Variants in GALNTL6 observed in about 807,000 individuals in gnomAD.
GALNTL6 encodes the protein polypeptide N-acetylgalactosaminyltransferase like 6, also known as polypeptide N-acetylgalactosaminyltransferase-like 6.
In GALNTL6, 46 loss-of-function variants were observed where a neutral mutation model predicts 73.7. The ratio of observed to expected loss-of-function variants is 0.62; its 90% CI spans 0.49 to 0.80. GALNTL6 has a LOEUF of 0.80. Ranked by LOEUF, GALNTL6 falls within the 30% of genes least tolerant of loss-of-function variation. GALNTL6 has a pLI of 0.00. For synonymous variants in GALNTL6, 259 were observed against 263.7 expected (o/e 0.98, Z 0.17); for missense variants, 604 against 755.0 (o/e 0.80, Z 2.34).
chr4:172,894,035 G>A (rs1746190821), intron 8 of GALNTL6, among the ~76,000 whole-genome samples: 1 of 152,098 alleles, frequency 6.6e-6, no homozygotes, highest in Admixed American at 6.6e-5. Context: ...CAAATATGGT[G>A]TATATGTCAC....
intron 10 of GALNTL6, among the ~76,000 whole-genome samples, chr4:173,001,186 T>C (rs1410929442): frequency 6.6e-6 from 1 of 152,144 alleles, no homozygotes; most frequent in African/African-American, 2.4e-5. Flanking sequence ...TTCACAGCCC[T>C]CAGGAGGAAC....
chr4:172,316,652 A>T (rs1490541130), intron 4 of GALNTL6, among the ~76,000 whole-genome samples: 1 of 152,236 alleles, frequency 6.6e-6, no homozygotes, highest in African/African-American at 2.4e-5. Context: ...AGACTAATGT[A>T]GTCCTGTTTC....
intron 5 of GALNTL6, among the ~76,000 whole-genome samples, chr4:172,579,393 T>C (rs1737081327): frequency 6.6e-6 from 1 of 152,206 alleles, no homozygotes; most frequent in Admixed American, 6.5e-5. Flanking sequence ...GAAAACTATA[T>C]ATAAGTCTTT....
At chr4:172,212,013 G>T (rs961259814) in intron 2 of GALNTL6, among the ~76,000 whole-genome samples, 1 of 152,236 alleles carries the variant, frequency 6.6e-6, no homozygotes, top group Non-Finnish European at 1.5e-5. Flanking sequence ...TTTGTTTTGT[G>T]TTGTTTGTCT....
In GALNTL6 at chr4:172,348,687, G is replaced by A. The variant is rs1326917964; in HGVS notation, c.551G>A (p.Arg184Lys). 1 of 1,602,488 alleles carries A rather than the reference G, an allele frequency of 6.2e-7. No individual in the cohort carries two copies. The highest frequency in any genetic ancestry group is 1.7e-5 in the Admixed American group (1 of 59,256). ...EIILVDDFSEREHLKDKLEEY... is the reference protein window; with the variant it reads ...EIILVDDFSEKEHLKDKLEEY... ...ATTCTAGTAGATGACTTCAGTGAGA[G>A]AGGTAAGATACAGTTGATAACATTT... is the stretch of plus-strand genomic sequence containing the variant. The change falls in exon 5 of 13, where the codon AGA (arginine) becomes AAA (lysine). Residue 184 changes from arginine to lysine, a missense_variant and splice_region_variant. Transcript: ENST00000506823.
chr4:172,728,852 G>C (rs189075766), intron 5 of GALNTL6, among the ~76,000 whole-genome samples: 350 of 152,226 alleles, frequency 2.3e-3, no homozygotes, highest in African/African-American at 8.2e-3. Flanking sequence ...GCGTATGAAG[G>C]TTGCCCTTTC....
At chr4:172,527,038 T>G (rs1734983428) in intron 5 of GALNTL6, among the ~76,000 whole-genome samples, 1 of 152,186 alleles carries the variant, frequency 6.6e-6, no homozygotes, top group Admixed American at 6.6e-5. Context: ...TTATAAGAAT[T>G]TTGATGGATA....
At chr4:172,958,863 T>C (rs554326692) in intron 10 of GALNTL6, among the ~76,000 whole-genome samples, 81 of 152,080 alleles carry the variant, frequency 5.3e-4, no homozygotes, top group Non-Finnish European at 1.1e-3. Context: ...AGATCCAGAA[T>C]AGAATAATGG....
At chr4:172,440,455 G>T (rs553054773) in intron 5 of GALNTL6, among the ~76,000 whole-genome samples, 24 of 152,206 alleles carry the variant, frequency 1.6e-4, no homozygotes, top group Admixed American at 4.6e-4. Context: ...ATAGTAAAAA[G>T]ATATATGGTT....
intron 5 of GALNTL6, among the ~76,000 whole-genome samples, chr4:172,602,148 A>C (rs1738081455): frequency 6.6e-6 from 1 of 152,108 alleles, no homozygotes; most frequent in South Asian, 2.1e-4. Flanking sequence ...AAATAAAAAT[A>C]TTTTCAGACA....
chr4:171,988,759 G>A (rs1740207140), intron 2 of GALNTL6, among the ~76,000 whole-genome samples: 1 of 152,164 alleles, frequency 6.6e-6, no homozygotes. Context: ...TTCAAAGCGT[G>A]CAGTGGGATG....
intron 2 of GALNTL6, among the ~76,000 whole-genome samples, chr4:172,054,322 T>C (rs2110865276): frequency 6.6e-6 from 1 of 152,312 alleles, no homozygotes; most frequent in South Asian, 2.1e-4. Flanking sequence ...AATAATTTAA[T>C]GAGCACATTT....
At chr4:172,344,228 A>C (rs1741664677) in intron 4 of GALNTL6, among the ~76,000 whole-genome samples, 1 of 152,170 alleles carries the variant, frequency 6.6e-6, no homozygotes, top group East Asian at 1.9e-4. Flanking sequence ...ACCTGACTTG[A>C]CATTAAACCT....
At chr4:172,317,630 C>T (rs566993601) in intron 4 of GALNTL6, among the ~76,000 whole-genome samples, 8 of 152,166 alleles carry the variant, frequency 5.3e-5, no homozygotes, top group Non-Finnish European at 7.4e-5. Flanking sequence ...TGTAAATATA[C>T]TATAAATAGT....
chr4:171,928,033 C>G (rs1289174234), intron 2 of GALNTL6, among the ~76,000 whole-genome samples: 1 of 152,092 alleles, frequency 6.6e-6, no homozygotes, highest in Non-Finnish European at 1.5e-5. Flanking sequence ...GACTCAGTAG[C>G]CTCTCAATAA....
At chr4:172,784,036 C>T (rs1245338320) in intron 5 of GALNTL6, among the ~76,000 whole-genome samples, 2 of 151,964 alleles carry the variant, frequency 1.3e-5, no homozygotes, top group Non-Finnish European at 2.9e-5. Flanking sequence ...TAAATCTGTC[C>T]TTAGTAATAT....
intron 5 of GALNTL6, among the ~76,000 whole-genome samples, chr4:172,693,495 CACA>C (rs1245835746): frequency 6.6e-6 from 1 of 152,188 alleles, no homozygotes; most frequent in African/African-American, 2.4e-5. Flanking sequence ...TCAATATATT[CACA>C]ACATTTTAGA....
chr4:172,894,156 A>G (rs1019383582), intron 8 of GALNTL6, among the ~76,000 whole-genome samples: 1 of 152,054 alleles, frequency 6.6e-6, no homozygotes, highest in Admixed American at 6.5e-5. Context: ...CTAATTAACT[A>G]TCTTAGTTCA....
chr4:172,051,690 G>A (rs1174752708), intron 2 of GALNTL6, among the ~76,000 whole-genome samples: 3 of 152,052 alleles, frequency 2.0e-5, no homozygotes, highest in African/African-American at 7.2e-5. Context: ...AAGTTTATAT[G>A]GGCACAGGAT....
Sources: allele counts gnomAD v4.1 joint callset (sites outside exome capture counted in the v4.1 genomes callset), GRCh38; gene constraint gnomAD v4.1.1; transcripts MANE v1.5; gene names NCBI Gene and HGNC (gene_info 2026-07-23, HGNC 2026-07-21).